The following IQCF3 variants were observed in gnomAD, a reference collection of about 807,000 sequenced individuals.
IQCF3 encodes IQ domain-containing protein F3.
A neutral mutation model predicts 5.1 loss-of-function variants in IQCF3; 7 were observed. The ratio of observed to expected loss-of-function variants is 1.36; its 90% CI spans 0.78 to 2.56. The LOEUF (loss-of-function observed/expected upper bound fraction) is 2.56. IQCF3 is among the 30% of genes most tolerant of loss of function. The pLI is 0.00. For missense variants in IQCF3, 189 were observed against 196.5 expected, an observed-to-expected ratio of 0.96 and a Z score of 0.23; for synonymous variants, 82 against 72.8, an observed-to-expected ratio of 1.13 and a Z score of -0.64.
Position 51,830,401 on chromosome 3 carries a change from A to G in IQCF3, c.67-2A>G. On this transcript the variant is annotated splice_acceptor_variant, in intron 2 of 2. Coordinates refer to ENST00000440739, the MANE Select transcript of IQCF3 (RefSeq NM_001393887.1). LOFTEE classifies it high-confidence loss of function. The surrounding 1 kb of genome is among the most constrained non-coding windows in gnomAD (Gnocchi z 4.1). ...TGGGAGTCCTCTGCTTTGCTTGGCC[A>G]GTTGCTTCTTGCACAACTGCATCAC... is the stretch of plus-strand genomic sequence containing the variant. 6.5e-7 allele frequency: 1 copy of G among 1,530,326 alleles called. No individual in the cohort carries two copies. Among genetic ancestry groups the G allele is most frequent in the Non-Finnish European group, 8.8e-7 (1 of 1,140,862 alleles). The allele number at this position is 1,530,326 out of a possible 1,614,324, so 94.8% of individuals were successfully genotyped here.
Position 51,830,160 on chromosome 3 carries a change from A to G in IQCF3, c.67-243A>G, listed in dbSNP as rs1306473128. 6.6e-6 allele frequency among the ~76,000 whole-genome samples: 1 copy of G among 152,186 alleles called. No homozygotes were observed. The highest frequency in any genetic ancestry group is 1.5e-5 in the Non-Finnish European group (1 of 68,024). ...CTTCCAGTTGGGTCTTCTGGACCAG[A>G]AAGTGTCTCCGCTAGTCCCATAAAC... is the stretch of plus-strand genomic sequence containing the variant. On this transcript the variant is annotated intron_variant, in intron 2 of 2. Transcript: ENST00000440739. The surrounding 1 kb of genome is among the most constrained non-coding windows in gnomAD (Gnocchi z 4.1).
upstream of IQCF3, among the ~76,000 whole-genome samples, chr3:51,827,710 A>G (rs1027618560): frequency 2.6e-5 from 4 of 152,042 alleles, no homozygotes; most frequent in Non-Finnish European, 5.9e-5. Context: ...GGTTTGTTAT[A>G]TAGATAAACT....
upstream of IQCF3, chr3:51,829,234 C>T (rs1049103407): frequency 1.2e-5 from 7 of 564,190 alleles, no homozygotes; most frequent in Non-Finnish European, 2.3e-5. Context: ...AGGCAGATGA[C>T]AATCTGAGAA....
At position 51,830,542 on chromosome 3, in the gene IQCF3, C is replaced by T. The variant is rs201908745; in HGVS notation, c.206C>T (p.Thr69Met). 122 of 1,613,852 alleles carry T rather than the reference C, an allele frequency of 7.6e-5. No homozygotes were observed. The African/African-American group carries it at 8.5e-4, about 11-fold the overall frequency. Residue 69 changes from threonine (T) to methionine (M), a missense_variant, in exon 3 of 3, where the codon ACG becomes ATG. Physicochemically the swap from Thr to Met is moderately conservative, Grantham distance 81 (BLOSUM62 -1). Transcript: ENST00000440739. This position sits in a 1 kb window ranked among gnomAD's most constrained non-coding sequence, Gnocchi z 4.1. Reference sequence around the variant, plus strand: ...TGGATGATTCAGTGCTGGTGGAGGACGTTGGTGCAGAGACGGATCCGTCAG... The same window carrying T: ...TGGATGATTCAGTGCTGGTGGAGGATGTTGGTGCAGAGACGGATCCGTCAG... Reference protein sequence around the residue: ...RAWMIQCWWRTLVQRRIRQRR... With the variant: ...RAWMIQCWWRMLVQRRIRQRR...
chr3:51,829,631 C>T (rs1288221993), intron 1 of IQCF3, 34 bp from the exon 2 acceptor site: 1 of 1,611,990 alleles, frequency 6.2e-7, no homozygotes, highest in South Asian at 1.1e-5. Flanking sequence ...CTGGTCCTCA[C>T]CCATGCTCCC....
At chr3:51,829,238 C>T (rs1373142025), upstream of IQCF3, 1 of 572,314 alleles carries the variant, frequency 1.7e-6, no homozygotes, top group Admixed American at 3.1e-5. Flanking sequence ...AGATGACAAT[C>T]TGAGAAATGA....
Position 51,830,826 on chromosome 3 carries a change from C to A in IQCF3, c.*25C>A. On this transcript the variant is annotated 3_prime_UTR_variant, in exon 3 of 3. Transcript: ENST00000440739. The surrounding 1 kb of genome is among the most constrained non-coding windows in gnomAD (Gnocchi z 4.1). ...AAAGGCCTGGGGCATGGAGAACAGG[C>A]TGCACTACCCTAATAAATGTCTGAC... 6.5e-7 allele frequency: 1 copy of A among 1,532,318 alleles called. No homozygotes were observed. Among genetic ancestry groups the A allele is most frequent in the Non-Finnish European group, 8.8e-7 (1 of 1,139,368 alleles). 94.9% of individuals were successfully genotyped at this position (1,532,318 alleles called of 1,614,324 possible).
chr3:51,830,509 T>A lies in IQCF3; in HGVS notation c.173T>A (p.Leu58His). Residue 58 changes from leucine to histidine, a missense_variant, in exon 3 of 3, where the codon CTC becomes CAC. Transcript: ENST00000440739. The surrounding 1 kb of genome is among the most constrained non-coding windows in gnomAD (Gnocchi z 4.1). The part of the protein sequence containing the change: ...LVRRTLLVAA[L>H]RAWMIQCWWR... ...CGCAGGACCCTGCTGGTTGCTGCCC[T>A]CAGGGCCTGGATGATTCAGTGCTGG... 6.2e-7 allele frequency: 1 copy of A among 1,613,950 alleles called. No homozygotes were observed.
Position 51,830,382 on chromosome 3 carries a change from T to G in IQCF3, c.67-21T>G, listed in dbSNP as rs1698349138. ...TTGATGGTGATAAATTCACTGGGAG[T>G]CCTCTGCTTTGCTTGGCCAGTTGCT... On this transcript the variant is annotated intron_variant, in intron 2 of 2. Transcript: ENST00000440739. This position sits in a 1 kb window ranked among gnomAD's most constrained non-coding sequence, Gnocchi z 4.1. 1.3e-6 allele frequency: 2 copies of G among 1,518,302 alleles called. No individual in the cohort carries two copies. Among genetic ancestry groups the G allele is most frequent in the Admixed American group, 4.4e-5 (2 of 45,052 alleles). 94.1% of individuals were successfully genotyped at this position (1,518,302 alleles called of 1,614,324 possible). A position where few individuals can be genotyped will look rare whatever the true frequency, so the allele number is the denominator to read the frequency against.
At position 51,830,547 on chromosome 3, in the gene IQCF3, G is replaced by A; in HGVS notation, c.211G>A (p.Val71Met). The A allele has an allele frequency of 6.2e-7, 1 of 1,614,000 alleles. No homozygotes were observed. Among genetic ancestry groups the A allele is most frequent in the Non-Finnish European group, 8.5e-7 (1 of 1,179,874 alleles). The part of the protein sequence containing the change: ...WMIQCWWRTL[V>M]QRRIRQRRQA... ...GATTCAGTGCTGGTGGAGGACGTTG[G>A]TGCAGAGACGGATCCGTCAGCGGCG... Residue 71 changes from valine (V) to methionine (M), a missense_variant, in exon 3 of 3, where the codon GTG (valine) becomes ATG (methionine). Physicochemically the swap from Val to Met is conservative, Grantham distance 21. Transcript: ENST00000440739. This position sits in a 1 kb window ranked among gnomAD's most constrained non-coding sequence, Gnocchi z 4.1.
upstream of IQCF3, among the ~76,000 whole-genome samples, chr3:51,827,811 C>CCCACCCT: frequency 6.6e-6 from 1 of 152,248 alleles, no homozygotes; most frequent in South Asian, 2.1e-4. Context: ...TCTCCCTCCT[C>CCCACCCT]CCACCCTCCA....
In IQCF3 at chr3:51,830,507, C is replaced by T; in HGVS notation, c.171C>T (p.Ala57=). ...VLVRRTLLVA[A]LRAWMIQCWW... is the part of the protein sequence containing the mutation. ...TGCGCAGGACCCTGCTGGTTGCTGC[C>T]CTCAGGGCCTGGATGATTCAGTGCT... Residue 57 remains alanine, a synonymous_variant, in exon 3 of 3, where the codon GCC becomes GCT. Transcript: ENST00000440739. The surrounding 1 kb of genome is among the most constrained non-coding windows in gnomAD (Gnocchi z 4.1). The T allele has an allele frequency of 1.2e-6, 2 of 1,613,948 alleles. No homozygotes were observed. Among genetic ancestry groups the T allele is most frequent in the Non-Finnish European group, 1.7e-6 (2 of 1,179,866 alleles).
rs183904433 is a variant in IQCF3 at position 51,829,579 on chromosome 3, C to A, written c.18+86C>A. Reference sequence around the variant, plus strand: ...ACCAGGCCACTTCTTAGGACCCAGGCAAAGAATGGGGAACTGGGCCTGTGG... The same window carrying A: ...ACCAGGCCACTTCTTAGGACCCAGGAAAAGAATGGGGAACTGGGCCTGTGG... On this transcript the variant is annotated intron_variant, in intron 1 of 2. Transcript: ENST00000440739. 968 of 1,592,572 alleles carry A rather than the reference C, an allele frequency of 6.1e-4. 1 individual carries two copies. The highest frequency in any genetic ancestry group is 9.1e-4 in the Admixed American group (52 of 56,874).
In IQCF3 at chr3:51,830,415, C is replaced by G; in HGVS notation, c.79C>G (p.Gln27Glu). Residue 27 changes from glutamine to glutamate, a missense_variant, in exon 3 of 3, where the codon CAA becomes GAA. Coordinates refer to ENST00000440739, the MANE Select transcript of IQCF3 (RefSeq NM_001393887.1). The surrounding 1 kb of genome is among the most constrained non-coding windows in gnomAD (Gnocchi z 4.1). The stretch of plus-strand genomic sequence containing the variant: ...TTTGCTTGGCCAGTTGCTTCTTGCA[C>G]AACTGCATCACAGAAAAAGGGTGAA... ...RQRRQKLLLAQLHHRKRVKAA... is the reference protein window; with the variant it reads ...RQRRQKLLLAELHHRKRVKAA... 6.5e-7 allele frequency: 1 copy of G among 1,543,214 alleles called. No individual in the cohort carries two copies. The highest frequency in any genetic ancestry group is 8.7e-7 in the Non-Finnish European group (1 of 1,147,386).
Position 51,830,705 on chromosome 3 carries a change from G to C in IQCF3, c.369G>C (p.Glu123Asp), listed in dbSNP as rs200343382. The C allele has an allele frequency of 1.2e-4, 199 of 1,613,856 alleles. No homozygotes were observed. The highest frequency in any genetic ancestry group is 1.5e-4 in the Non-Finnish European group (180 of 1,179,868). ...CTCTCTGCTTGTTCCAGGTCCCAGA[G>C]AGCAGCCTTGCCTTCCAGACTGATG... ...CNALCLFQVP[E>D]SSLAFQTDGF... Residue 123 changes from glutamate to aspartate, a missense_variant, in exon 3 of 3, where the codon GAG becomes GAC. Transcript: ENST00000440739. The surrounding 1 kb of genome is among the most constrained non-coding windows in gnomAD (Gnocchi z 4.1).
chr3:51,826,983 G>C (rs1187198571), upstream of IQCF3: 1 of 152,518 alleles, frequency 6.6e-6, no homozygotes, highest in Non-Finnish European at 1.5e-5. Flanking sequence ...TAGGATGCTG[G>C]GGTGAGGGTA....
At position 51,830,362 on chromosome 3, in the gene IQCF3, G is replaced by A; in HGVS notation, c.67-41G>A. On this transcript the variant is annotated intron_variant, in intron 2 of 2. Coordinates refer to ENST00000440739, the MANE Select transcript of IQCF3 (RefSeq NM_001393887.1). The surrounding 1 kb of genome is among the most constrained non-coding windows in gnomAD (Gnocchi z 4.1). The stretch of plus-strand genomic sequence containing the variant: ...CTTTAGAGAACCACCTGTGCTTGAT[G>A]GTGATAAATTCACTGGGAGTCCTCT... 2 of 1,515,486 alleles carry A rather than the reference G, an allele frequency of 1.3e-6. No homozygotes were observed. Among genetic ancestry groups the A allele is most frequent in the Non-Finnish European group, 1.8e-6 (2 of 1,133,700 alleles). 93.9% of individuals were successfully genotyped at this position (1,515,486 alleles called of 1,614,324 possible). A position where few individuals can be genotyped will look rare whatever the true frequency, so the allele number is the denominator to read the frequency against.
At chr3:51,829,981 A>T (rs996287536) in intron 2 of IQCF3, 1 of 518,418 alleles carries the variant, frequency 1.9e-6, no homozygotes. Flanking sequence ...GTGGAAGTCC[A>T]CAAAAGTGAG....
upstream of IQCF3, chr3:51,829,305 A>G: frequency 5.9e-6 from 4 of 676,206 alleles, no homozygotes; most frequent in South Asian, 5.5e-5. Context: ...CAGGAGAGCC[A>G]GGTATTTTCT....
Sources: allele counts gnomAD v4.1 joint callset (sites outside exome capture counted in the v4.1 genomes callset), GRCh38; gene constraint gnomAD v4.1.1; non-coding constraint Gnocchi (gnomAD v3.1); transcripts MANE v1.5; gene names NCBI Gene and HGNC (gene_info 2026-07-23, HGNC 2026-07-21).